The following DYNLL1 variants were observed in gnomAD, a reference collection of about 807,000 sequenced individuals.
DYNLL1 encodes dynein light chain 1, cytoplasmic.
Under a neutral mutation model 10.1 loss-of-function variants are expected in DYNLL1, and 3 were observed. The observed-to-expected ratio is 0.30, with a 90% CI of 0.14 to 0.77. DYNLL1 has a LOEUF of 0.77. Among genes scored for constraint, DYNLL1 ranks in the 30% least tolerant of loss-of-function variants. The pLI, the probability that DYNLL1 is intolerant of heterozygous loss-of-function variation, is 0.66. For missense variants in DYNLL1, 47 were observed against 111.7 expected (o/e 0.42, Z 2.61); for synonymous variants, 46 against 41.2 (o/e 1.12, Z -0.45).
upstream of DYNLL1, among the ~76,000 whole-genome samples, chr12:120,495,047 T>G (rs767010641): frequency 2.6e-5 from 4 of 152,174 alleles, no homozygotes; most frequent in South Asian, 8.3e-4. Context: ...TGGTTTCCTT[T>G]TACATTTAGT....
chr12:120,474,557 G>C (rs1878715914), intron 1 of DYNLL1, among the ~76,000 whole-genome samples: 1 of 151,818 alleles, frequency 6.6e-6, no homozygotes, highest in Non-Finnish European at 1.5e-5. Flanking sequence ...AACACCACCT[G>C]TTCCCCAAAA....
chr12:120,496,630 G>A, intron 2 of DYNLL1, 77 bp downstream of exon 2: 2 of 1,612,156 alleles, frequency 1.2e-6, no homozygotes, highest in South Asian at 1.1e-5. Context: ...TCCTAAGGGC[G>A]CCTGACAGGT....
chr12:120,491,141 G>T (rs537849488), upstream of DYNLL1: 7 of 152,616 alleles, frequency 4.6e-5, no homozygotes, highest in Admixed American at 2.6e-4. Context: ...CCCTCTGACT[G>T]AGAGCTGAGG....
At chr12:120,472,418 C>A (rs1269138212) in intron 1 of DYNLL1, among the ~76,000 whole-genome samples, 2 of 152,054 alleles carry the variant, frequency 1.3e-5, no homozygotes, top group Admixed American at 6.6e-5. Context: ...AGGAAAGAGC[C>A]CTGGCCAAAT....
At position 120,479,468 on chromosome 12, in the gene DYNLL1, AAATAAT is replaced by A. The variant is rs758249930; in HGVS notation, c.-7+9385_-7+9390del. 9.4e-3 allele frequency among the ~76,000 whole-genome samples: 1,024 copies of A among 109,292 alleles called. 52 individuals are homozygous for A. Among genetic ancestry groups the A allele is most frequent in the Middle Eastern group, 0.041 (8 of 194 alleles). 71.7% of individuals were successfully genotyped at this position (109,292 alleles called of 152,430 possible). ...CGTCTCCAAAAAAAAAAAAAAAAAA[AAATAAT>A]AATAATAATAATAATAATAAAATTT... On this transcript the variant is annotated intron_variant, in intron 1 of 2. Transcript: ENST00000392509.
intron 1 of DYNLL1, among the ~76,000 whole-genome samples, chr12:120,483,232 G>T: frequency 6.6e-6 from 1 of 151,960 alleles, no homozygotes. Context: ...CAGCTACAAG[G>T]GAGGCTGAGG....
At chr12:120,482,985 G>A (rs1208040201) in intron 1 of DYNLL1, among the ~76,000 whole-genome samples, 2 of 152,004 alleles carry the variant, frequency 1.3e-5, no homozygotes, top group South Asian at 4.2e-4. Flanking sequence ...AGAGGCTGAC[G>A]CAGGAGGATC....
At chr12:120,481,536 A>G (rs746519215) in intron 1 of DYNLL1, among the ~76,000 whole-genome samples, 52 of 152,362 alleles carry the variant, frequency 3.4e-4, no homozygotes, top group Non-Finnish European at 6.0e-4. Flanking sequence ...TTTATTATAA[A>G]GGATACAACT....
chr12:120,479,937 C>A (rs922356991), intron 1 of DYNLL1, among the ~76,000 whole-genome samples: 2 of 152,108 alleles, frequency 1.3e-5, no homozygotes, highest in Non-Finnish European at 1.5e-5. Flanking sequence ...CTTTACCATA[C>A]AAATGTTTAT....
At chr12:120,473,279 A>G (rs1407488189) in intron 1 of DYNLL1, among the ~76,000 whole-genome samples, 1 of 152,168 alleles carries the variant, frequency 6.6e-6, no homozygotes, top group Non-Finnish European at 1.5e-5. Context: ...AAATGAGGGC[A>G]TGACTGCTGA....
At chr12:120,479,107 C>T (rs545003565) in intron 1 of DYNLL1, among the ~76,000 whole-genome samples, 10 of 146,560 alleles carry the variant, frequency 6.8e-5, no homozygotes, top group Admixed American at 2.7e-4. Flanking sequence ...GAGGTTGCAG[C>T]GAGTCGAGAA....
chr12:120,477,228 C>T (rs902668977), intron 1 of DYNLL1, among the ~76,000 whole-genome samples: 1 of 152,140 alleles, frequency 6.6e-6, no homozygotes, highest in Non-Finnish European at 1.5e-5. Flanking sequence ...CACGCCCAGC[C>T]AAGAGCAGGT....
At chr12:120,472,347 C>G (rs536993199) in intron 1 of DYNLL1, among the ~76,000 whole-genome samples, 173 of 152,148 alleles carry the variant, frequency 1.1e-3, no homozygotes, top group Non-Finnish European at 2.0e-3. Context: ...AAAATAAAAC[C>G]ATTATAACTA....
chr12:120,490,065 A>G (rs79950733), intron 1 of DYNLL1, among the ~76,000 whole-genome samples: 4,424 of 152,166 alleles, frequency 0.029, 221 homozygotes, highest in African/African-American at 0.1. Flanking sequence ...CTTTATTTTT[A>G]TCCATTGCCC....
upstream of DYNLL1, among the ~76,000 whole-genome samples, chr12:120,492,859 A>C (rs1879168588): frequency 6.6e-6 from 1 of 152,104 alleles, no homozygotes; most frequent in Non-Finnish European, 1.5e-5. This position sits in a 1 kb window ranked among gnomAD's most constrained non-coding sequence, Gnocchi z 4.1. Context: ...AAGGAATCTC[A>C]CATTTATTCT....
intron 1 of DYNLL1, among the ~76,000 whole-genome samples, chr12:120,477,519 C>T (rs1466289510): frequency 2.0e-5 from 3 of 152,010 alleles, no homozygotes; most frequent in Non-Finnish European, 4.4e-5. Context: ...AATCCCAGCA[C>T]TCTGGGAACT....
At chr12:120,473,629 AG>A (rs1256796519) in intron 1 of DYNLL1, among the ~76,000 whole-genome samples, 2 of 143,492 alleles carry the variant, frequency 1.4e-5, no homozygotes, top group Admixed American at 1.5e-4. Flanking sequence ...CGGGAGGCAG[AG>A]GTTGCAGTGA....
Position 120,496,175 on chromosome 12 carries a change from C to T in DYNLL1, c.-48C>T, listed in dbSNP as rs909928679. On this transcript the variant is annotated 5_prime_UTR_variant, in exon 1 of 3. Coordinates refer to ENST00000242577, the MANE Select transcript of DYNLL1 (RefSeq NM_003746.3). ...CCGGGCCTGAGCTGTGCTAGCACCT[C>T]CCCCAGGAGACCGTTGCAGTCGGCC... The T allele has an allele frequency of 8.2e-6, 5 of 611,512 alleles. No individual in the cohort carries two copies. The highest frequency in any genetic ancestry group is 3.0e-5 in the Admixed American group (1 of 33,556). 37.9% of individuals were successfully genotyped at this position (611,512 alleles called of 1,614,324 possible).
chr12:120,493,614 T>C (rs895472863), upstream of DYNLL1, among the ~76,000 whole-genome samples: 1 of 151,382 alleles, frequency 6.6e-6, no homozygotes, highest in African/African-American at 2.4e-5. Flanking sequence ...TTTTATTTTT[T>C]ATTTATTTAT....
Sources: gnomAD v4.1 joint callset for allele counts (sites outside exome capture counted in the v4.1 genomes callset) on GRCh38, gnomAD v4.1.1 for gene constraint, Gnocchi (gnomAD v3.1) non-coding constraint, MANE v1.5 for transcripts, NCBI Gene and HGNC (gene_info 2026-07-23, HGNC 2026-07-21) for gene names.